Variants in AUTS2 observed in about 807,000 individuals in gnomAD.
AUTS2 encodes the protein autism susceptibility gene 2 protein.
In AUTS2, 17 loss-of-function variants were observed where a neutral mutation model predicts 112.4. The ratio of observed to expected loss-of-function variants is 0.15; its 90% CI spans 0.10 to 0.23. The LOEUF is 0.23. Ranked by LOEUF, AUTS2 falls within the 10% of genes least tolerant of loss-of-function variation. The pLI, the probability that AUTS2 is intolerant of heterozygous loss-of-function variation, is 1.00. For missense variants in AUTS2, 1,510 were observed against 1,701.6 expected (o/e 0.89, Z 1.98); for synonymous variants, 751 against 702.7 (o/e 1.07, Z -1.09).
At chr7:70,316,339 T>A (rs1789994042) in intron 4 of AUTS2, among the ~76,000 whole-genome samples, 1 of 151,554 alleles carries the variant, frequency 6.6e-6, no homozygotes, top group African/African-American at 2.4e-5. Flanking sequence ...GGGTGTGAAG[T>A]CACTCTCTGG....
chr7:70,190,734 G>C (rs1466484945), intron 4 of AUTS2, among the ~76,000 whole-genome samples: 1 of 152,118 alleles, frequency 6.6e-6, no homozygotes, highest in Non-Finnish European at 1.5e-5. Flanking sequence ...ACCCAACGTA[G>C]ACTTTTTTTT....
intron 6 of AUTS2, among the ~76,000 whole-genome samples, chr7:70,720,303 G>C (rs531371419): frequency 7.2e-5 from 11 of 152,150 alleles, no homozygotes; most frequent in African/African-American, 1.9e-4. Flanking sequence ...TTAAGGAAGT[G>C]GTAAGTACAC....
Position 70,197,455 on chromosome 7 carries a change from C to T in AUTS2, c.660+62884C>T, listed in dbSNP as rs2129584766. On this transcript the variant is annotated intron_variant, in intron 4 of 18. Transcript: ENST00000342771. ...CCGGGTTCATCTCACTAGGGAGTGC[C>T]AGACAGTGGGCGCAGGCCAGTGTGT... Among the ~76,000 whole-genome samples the T allele has an allele frequency of 2.1e-5, 3 of 143,740 alleles. No homozygotes were observed. In the East Asian group the frequency reaches 6.3e-4, roughly 30 times the overall value. The allele number at this position is 143,740 out of a possible 152,430, so 94.3% of individuals were successfully genotyped here.
chr7:70,129,902 TG>T (rs1806183027), intron 3 of AUTS2, among the ~76,000 whole-genome samples: 4 of 73,442 alleles, frequency 5.4e-5, no homozygotes, highest in South Asian at 3.7e-4. Flanking sequence ...ATATATATAT[TG>T]TGTGTGTGTG....
At chr7:69,725,741 A>G (rs1204663626) in intron 1 of AUTS2, among the ~76,000 whole-genome samples, 1 of 152,182 alleles carries the variant, frequency 6.6e-6, no homozygotes. Flanking sequence ...AATTGCACTG[A>G]GAATAGTTCC....
chr7:70,325,286 T>G (rs1790435722), intron 4 of AUTS2, among the ~76,000 whole-genome samples: 1 of 152,070 alleles, frequency 6.6e-6, no homozygotes, highest in African/African-American at 2.4e-5. Flanking sequence ...ATGGTACCAC[T>G]TCACTCCAGC....
chr7:69,782,353 ATC>A (rs1178602853), intron 1 of AUTS2, among the ~76,000 whole-genome samples: 6 of 147,550 alleles, frequency 4.1e-5, no homozygotes. Flanking sequence ...GTGAGACCCC[ATC>A]TCTCTCTCTT....
rs1478832939 is a variant in AUTS2, at chr7:70,731,575, G to A, written c.743-31295G>A. On this transcript the variant is annotated intron_variant, in intron 6 of 18. Transcript: ENST00000342771. ...CTCCTGAGTAGCTGGTACTACAGGT[G>A]CCCGCCACCATGCCCGGCTAATTTT... Among the ~76,000 whole-genome samples the A allele has an allele frequency of 2.6e-5, 4 of 151,440 alleles. No individual in the cohort carries two copies. In the East Asian group the frequency reaches 5.8e-4, roughly 22 times the overall value.
intron 4 of AUTS2, among the ~76,000 whole-genome samples, chr7:70,235,832 T>C (rs1812299449): frequency 6.6e-6 from 1 of 151,976 alleles, no homozygotes; most frequent in African/African-American, 2.4e-5. Context: ...TTTGTGTTTT[T>C]AGTAGAGACG....
At chr7:70,139,517 A>G (rs1012098031) in intron 4 of AUTS2, among the ~76,000 whole-genome samples, 4 of 152,180 alleles carry the variant, frequency 2.6e-5, no homozygotes, top group Admixed American at 2.6e-4. Context: ...AAAATATAGT[A>G]ATTTTTATAA....
intron 6 of AUTS2, among the ~76,000 whole-genome samples, chr7:70,762,286 A>G (rs1789609079): frequency 6.6e-6 from 1 of 152,226 alleles, no homozygotes; most frequent in African/African-American, 2.4e-5. Flanking sequence ...ATTCATTTTC[A>G]GAATGTAGTC....
At chr7:69,655,933 G>GAA (rs1009199307) in intron 1 of AUTS2, among the ~76,000 whole-genome samples, 20 of 152,224 alleles carry the variant, frequency 1.3e-4, no homozygotes, top group Non-Finnish European at 2.5e-4. Flanking sequence ...GGGCAGAGGA[G>GAA]AAGAGGCATG....
chr7:70,763,204 GAGGCCACCC>G lies in AUTS2; in HGVS notation c.1085_1093del (p.Pro362_Pro364del). On this transcript the variant is annotated inframe_deletion, in exon 7 of 19. Transcript: ENST00000342771. ...AGCCTGCCCCGCAGCCTCAGGTGCA[GAGGCCACCC>G]AGGCCACAGTCCCCCACCCAGCTGC... The G allele has an allele frequency of 6.2e-7, 1 of 1,614,030 alleles. No individual in the cohort carries two copies.
intron 5 of AUTS2, among the ~76,000 whole-genome samples, chr7:70,458,795 G>A (rs1796849326): frequency 6.6e-6 from 1 of 152,196 alleles, no homozygotes; most frequent in African/African-American, 2.4e-5. Flanking sequence ...TCGCTAGATT[G>A]TGTCACCCAG....
At chr7:70,733,513 C>T (rs1455199157) in intron 6 of AUTS2, among the ~76,000 whole-genome samples, 1 of 152,090 alleles carries the variant, frequency 6.6e-6, no homozygotes, top group Admixed American at 6.6e-5. Context: ...CCCACCTCTT[C>T]CACTCCCACC....
At chr7:69,808,704 A>AAGCAGG (rs1790415871) in intron 1 of AUTS2, among the ~76,000 whole-genome samples, 2 of 152,240 alleles carry the variant, frequency 1.3e-5, no homozygotes, top group South Asian at 4.1e-4. Flanking sequence ...CATATAGCCC[A>AAGCAGG]AGCAGGAGCT....
At chr7:70,289,922 C>G (rs945938993) in intron 4 of AUTS2, among the ~76,000 whole-genome samples, 13 of 152,044 alleles carry the variant, frequency 8.6e-5, no homozygotes, top group African/African-American at 3.1e-4. Flanking sequence ...CAAAACAGAC[C>G]TAATTTAGTA....
At chr7:70,346,322 T>C (rs1021002573) in intron 4 of AUTS2, among the ~76,000 whole-genome samples, 22 of 152,158 alleles carry the variant, frequency 1.4e-4, no homozygotes, top group African/African-American at 5.1e-4. Context: ...TGATGATACA[T>C]AGACATCTAA....
chr7:69,792,183 T>C lies in AUTS2; in HGVS notation c.310-107103T>C, dbSNP rs185029221. 2.4e-3 allele frequency among the ~76,000 whole-genome samples: 373 copies of C among 152,278 alleles called. 1 individual carries two copies. Among genetic ancestry groups the C allele is most frequent in the Middle Eastern group, 0.017 (5 of 294 alleles). ...GAAGTTATGAAAGGAATCATTATTA[T>C]TGTCAGTGATTCTTGATTATCTACT... On this transcript the variant is annotated intron_variant, in intron 1 of 18. Coordinates refer to ENST00000342771, the MANE Select transcript of AUTS2 (RefSeq NM_015570.4).
Sources: allele counts gnomAD v4.1 joint callset (sites outside exome capture counted in the v4.1 genomes callset), GRCh38; gene constraint gnomAD v4.1.1; transcripts MANE v1.5; gene names NCBI Gene and HGNC (gene_info 2026-07-23, HGNC 2026-07-21).